RNFT2: variants seen among roughly 807,000 people sequenced by gnomAD.
The protein encoded by RNFT2 is ring finger protein, transmembrane 2.
A neutral mutation model predicts 53.0 loss-of-function variants in RNFT2; 36 were observed. The observed-to-expected ratio is 0.68, with a 90% CI of 0.52 to 0.90. RNFT2 has a LOEUF of 0.90. Ranked by LOEUF, RNFT2 falls within the 40% of genes least tolerant of loss-of-function variation. The probability of loss-of-function intolerance (pLI) is 0.00; values close to 1 mark genes in which losing one functional copy is unlikely to be tolerated. For missense variants in RNFT2, 514 were observed against 585.6 expected (o/e 0.88, Z 1.26); for synonymous variants, 260 against 253.2 (o/e 1.03, Z -0.26).
At position 116,850,543 on chromosome 12, in the gene RNFT2, A is replaced by G. The variant is rs1003621743; in HGVS notation, c.*1095A>G. 6.6e-6 allele frequency: 1 copy of G among 151,252 alleles called. No homozygotes were observed. Among genetic ancestry groups the G allele is most frequent in the African/African-American group, 2.4e-5 (1 of 41,164 alleles). The allele number at this position is 151,252 out of a possible 1,614,324, so 9.4% of individuals were successfully genotyped here. ...GTGCAGGCTGGGGAGGAGCCTAGAGATCACTGCCTCCCAGATAGCCCAGGC... is the reference window on the plus strand; with the variant it reads ...GTGCAGGCTGGGGAGGAGCCTAGAGGTCACTGCCTCCCAGATAGCCCAGGC... On this transcript the variant is annotated 3_prime_UTR_variant, in exon 11 of 11. Transcript: ENST00000257575.
rs746818653 is a variant in RNFT2, at chr12:116,835,979, G to A, written c.1052G>A (p.Arg351His). The change falls in exon 9 of 11, where the codon CGT (arginine) becomes CAT (histidine). Residue 351 changes from arginine to histidine, a missense_variant. Transcript: ENST00000257575. ...SLCKSFDICG[R>H]VGGVRKALKL... ...TTTCAGTCCTTCGACATCTGTGGAC[G>A]TGTGGGCGGAGTTAGGAAAGCCCTG... 2.7e-5 allele frequency: 43 copies of A among 1,613,860 alleles called. No homozygotes were observed. The highest frequency in any genetic ancestry group is 3.3e-5 in the Admixed American group (2 of 60,000).
chr12:116,795,600 A>G (rs191815635), intron 7 of RNFT2, among the ~76,000 whole-genome samples: 3 of 152,300 alleles, frequency 2.0e-5, no homozygotes, highest in Admixed American at 6.5e-5. Context: ...GCTCACGGCT[A>G]CTAGGGTAGA....
chr12:116,841,816 TAAAAA>T (rs1877288323), intron 10 of RNFT2, among the ~76,000 whole-genome samples: 4 of 80,112 alleles, frequency 5.0e-5, no homozygotes, highest in African/African-American at 3.0e-4. Flanking sequence ...AATATATATA[TAAAAA>T]TATATATATA....
At chr12:116,764,370 G>C (rs1263829327) in intron 5 of RNFT2, among the ~76,000 whole-genome samples, 5 of 151,962 alleles carry the variant, frequency 3.3e-5, no homozygotes, top group Non-Finnish European at 7.4e-5. Flanking sequence ...TTTAAAGTCT[G>C]TGCTTTCTCC....
At chr12:116,819,612 G>T (rs932793760) in intron 7 of RNFT2, among the ~76,000 whole-genome samples, 79 of 152,308 alleles carry the variant, frequency 5.2e-4, no homozygotes, top group Non-Finnish European at 9.6e-4. Flanking sequence ...GCTGCCGCCG[G>T]GTGGTGACGT....
intron 7 of RNFT2, among the ~76,000 whole-genome samples, chr12:116,821,467 C>T (rs1876018512): frequency 6.6e-6 from 1 of 152,212 alleles, no homozygotes. Flanking sequence ...CCCCACAACC[C>T]CACCATCCTA....
intron 5 of RNFT2, among the ~76,000 whole-genome samples, chr12:116,766,121 A>AT (rs879342327): frequency 1.6e-4 from 24 of 151,786 alleles, no homozygotes; most frequent in African/African-American, 4.8e-4. Context: ...AAAAATAAAA[A>AT]TTTTTTTTTA....
chr12:116,769,193 T>C (rs1873061499), intron 6 of RNFT2, among the ~76,000 whole-genome samples: 1 of 152,132 alleles, frequency 6.6e-6, no homozygotes. Context: ...CCCCTGTCTC[T>C]ACTAAAAATA....
At chr12:116,768,465 A>G (rs1873018292) in intron 6 of RNFT2, among the ~76,000 whole-genome samples, 1 of 152,222 alleles carries the variant, frequency 6.6e-6, no homozygotes, top group South Asian at 2.1e-4. Flanking sequence ...GATGGACCAT[A>G]TAGACAACAG....
At chr12:116,773,350 T>A (rs1236831425) in intron 6 of RNFT2, among the ~76,000 whole-genome samples, 2 of 152,194 alleles carry the variant, frequency 1.3e-5, no homozygotes, top group Admixed American at 6.5e-5. Context: ...GGTTACTAAC[T>A]TAAGCAAACA....
intron 7 of RNFT2, among the ~76,000 whole-genome samples, chr12:116,815,186 G>A (rs1875589698): frequency 6.6e-6 from 1 of 152,166 alleles, no homozygotes; most frequent in Non-Finnish European, 1.5e-5. Context: ...GGTGTGCTCT[G>A]GCCTCCTCCC....
intron 6 of RNFT2, among the ~76,000 whole-genome samples, chr12:116,773,560 T>G (rs1873292220): frequency 6.6e-6 from 1 of 152,218 alleles, no homozygotes; most frequent in South Asian, 2.1e-4. Flanking sequence ...TGGCTTTTCA[T>G]GGGCCAGAGG....
rs756618870 is a variant in RNFT2, at chr12:116,833,968, C to T, written c.1032+27C>T. The T allele has an allele frequency of 8.9e-6, 14 of 1,568,176 alleles. No homozygotes were observed. In the African/African-American group the frequency reaches 1.4e-4, roughly 15 times the overall value. The stretch of plus-strand genomic sequence containing the variant: ...TGAGGTGGCCCCAAGGCTGGAGGGC[C>T]GGCCTAAGGAGGGCCCCATTCACTA... On this transcript the variant is annotated intron_variant, in intron 8 of 10. Transcript: ENST00000257575.
At chr12:116,757,670 G>A (rs1872562074) in intron 5 of RNFT2, among the ~76,000 whole-genome samples, 1 of 152,108 alleles carries the variant, frequency 6.6e-6, no homozygotes, top group Admixed American at 6.6e-5. Flanking sequence ...GTTTTATTCT[G>A]CCGTGGTCTG....
At chr12:116,781,450 C>CA (rs1354040960) in intron 7 of RNFT2, among the ~76,000 whole-genome samples, 1 of 152,154 alleles carries the variant, frequency 6.6e-6, no homozygotes, top group Non-Finnish European at 1.5e-5. Context: ...TTTAAAGCAA[C>CA]ATTAATTTAT....
intron 7 of RNFT2, among the ~76,000 whole-genome samples, chr12:116,793,105 C>G (rs186585546): frequency 7.9e-5 from 12 of 151,990 alleles, no homozygotes; most frequent in African/African-American, 2.7e-4. Flanking sequence ...CCTGGCCAGC[C>G]AAGACGGGTT....
At chr12:116,823,472 TCAG>T (rs1876162775) in intron 7 of RNFT2, among the ~76,000 whole-genome samples, 1 of 151,742 alleles carries the variant, frequency 6.6e-6, no homozygotes, top group Non-Finnish European at 1.5e-5. Flanking sequence ...TCGCTTGAGG[TCAG>T]GAGTTTGAGA....
intron 3 of RNFT2, among the ~76,000 whole-genome samples, chr12:116,743,233 AAAAAAAAAAAAC>A (rs1177626951): frequency 0.051 from 6,256 of 123,034 alleles, 1,529 homozygotes; most frequent in Non-Finnish European, 0.075. Context: ...AAAAAAAAAA[AAAAAAAAAAAAC>A]CGGTTAAAAA....
rs768889201 is a variant in RNFT2, at chr12:116,779,291, C to T, written c.825C>T (p.Ile275=). The T allele has an allele frequency of 4.3e-6, 7 of 1,613,990 alleles. No homozygotes were observed. The highest frequency in any genetic ancestry group is 1.7e-5 in the Admixed American group (1 of 60,014). ...ACTTTGTTCTGAAGTACATCACCATCGCCCTCAAGTGCCTCATCGTGGCCC... is the reference window on the plus strand; with the variant it reads ...ACTTTGTTCTGAAGTACATCACCATTGCCCTCAAGTGCCTCATCGTGGCCC... ...IADFVLKYIT[I]ALKCLIVALP... The change falls in exon 7 of 11, where the codon ATC becomes ATT. Residue 275 remains isoleucine (I), a synonymous_variant. Coordinates refer to ENST00000257575, the MANE Select transcript of RNFT2 (RefSeq NM_001382266.1).
Sources: gnomAD v4.1 joint callset for allele counts (sites outside exome capture counted in the v4.1 genomes callset) on GRCh38, gnomAD v4.1.1 for gene constraint, MANE v1.5 for transcripts, NCBI Gene and HGNC (gene_info 2026-07-23, HGNC 2026-07-21) for gene names.